Variants in NCOR2 observed in about 807,000 individuals in gnomAD.
The protein encoded by NCOR2 is nuclear receptor corepressor 2.
A neutral mutation model predicts 262.9 loss-of-function variants in NCOR2; 81 were observed. The observed-to-expected ratio is 0.31, with a 90% CI of 0.26 to 0.37. The LOEUF (loss-of-function observed/expected upper bound fraction) is 0.37, where lower values mean the gene tolerates loss of function less well. Ranked by LOEUF, NCOR2 falls within the 10% of genes least tolerant of loss-of-function variation. The probability of loss-of-function intolerance (pLI) is 1.00; values close to 1 mark genes in which losing one functional copy is unlikely to be tolerated. For synonymous variants in NCOR2, 1,659 were observed against 1,559.3 expected (o/e 1.06, Z -1.51); for missense variants, 3,385 against 3,621.4 (o/e 0.93, Z 1.68).
chr12:124,438,394 C>G (rs897584186), intron 7 of NCOR2, among the ~76,000 whole-genome samples: 1 of 152,106 alleles, frequency 6.6e-6, no homozygotes, highest in Admixed American at 6.5e-5. Context: ...TGCTGCCGCC[C>G]ACAGGCCGGG....
intron 13 of NCOR2, among the ~76,000 whole-genome samples, chr12:124,413,036 G>A (rs1244283881): frequency 6.6e-6 from 1 of 152,238 alleles, no homozygotes; most frequent in Non-Finnish European, 1.5e-5. Flanking sequence ...ACGGTCCAGT[G>A]TCCCTGGAGT....
In NCOR2 at chr12:124,383,421, G is replaced by A. The variant is rs563960749; in HGVS notation, c.2019+2324C>T. 16 of 474,272 alleles carry A rather than the reference G, an allele frequency of 3.4e-5. No homozygotes were observed. The South Asian group carries it at 1.1e-3, about 32-fold the overall frequency. The allele number at this position is 474,272 out of a possible 1,614,324, so 29.4% of individuals were successfully genotyped here. On this transcript the variant is annotated intron_variant, in intron 17 of 46. Coordinates refer to ENST00000405201, the Ensembl canonical transcript of NCOR2. ...GGCTGCATGTTCGTCCACGCCAGCGGCTTCACTGGTGGTCACCACACTCAA... is the reference window on the plus strand; with the variant it reads ...GGCTGCATGTTCGTCCACGCCAGCGACTTCACTGGTGGTCACCACACTCAA...
chr12:124,546,702 C>T (rs1267817808), intron 1 of NCOR2, among the ~76,000 whole-genome samples: 3 of 152,208 alleles, frequency 2.0e-5, no homozygotes, highest in East Asian at 3.9e-4. Flanking sequence ...CATGAGCCAC[C>T]GCGCCCAGCC....
intron 43 of NCOR2, 28 bp from the exon 46 acceptor site, chr12:124,330,926 G>A (rs1328931517): frequency 1.9e-6 from 3 of 1,567,854 alleles, no homozygotes; most frequent in Non-Finnish European, 2.6e-6. Context: ...AGTGGGTGAG[G>A]CCCCCAGGTC....
chr12:124,348,034 C>G (rs1170567082), intron 29 of NCOR2, 123 bp from the exon 32 acceptor site: 9 of 1,463,044 alleles, frequency 6.2e-6, no homozygotes, highest in African/African-American at 1.4e-5. Context: ...TAGGACCCAG[C>G]ACGGGAAGGT....
intron 22 of NCOR2, among the ~76,000 whole-genome samples, chr12:124,359,849 C>T (rs140894453): frequency 5.9e-5 from 9 of 152,376 alleles, no homozygotes; most frequent in African/African-American, 1.9e-4. Context: ...AATAGGCTGG[C>T]TTCCTGAGAG....
intron 17 of NCOR2, among the ~76,000 whole-genome samples, chr12:124,385,470 G>A (rs950433575): frequency 1.4e-4 from 21 of 152,296 alleles, no homozygotes; most frequent in Admixed American, 1.2e-3. Context: ...AGGGCCCCCA[G>A]AGGTGTCTGT....
chr12:124,424,670 G>A (rs1318389456), intron 11 of NCOR2, among the ~76,000 whole-genome samples: 2 of 152,200 alleles, frequency 1.3e-5, no homozygotes, highest in Non-Finnish European at 2.9e-5. Context: ...GGGACCCAGA[G>A]TCACCCCATC....
intron 7 of NCOR2, among the ~76,000 whole-genome samples, chr12:124,439,526 G>A (rs902834166): frequency 1.4e-4 from 21 of 150,196 alleles, no homozygotes; most frequent in Non-Finnish European, 2.5e-4. Flanking sequence ...GAGAGACGGA[G>A]ACAGAGACCC....
At chr12:124,335,397 ACCT>A in intron 39 of NCOR2, 83 bp downstream of exon 41, 1 of 1,521,998 alleles carries the variant, frequency 6.6e-7, no homozygotes, top group South Asian at 1.3e-5. Context: ...GCCTTTAGGC[ACCT>A]CTGTTTTCCT....
chr12:124,408,469 T>A (rs2136230328), intron 13 of NCOR2, among the ~76,000 whole-genome samples: 1 of 152,268 alleles, frequency 6.6e-6, no homozygotes, highest in African/African-American at 2.4e-5. Flanking sequence ...AATTATGGCC[T>A]GGCAAGGTAA....
At chr12:124,450,197 G>A (rs1361120618) in intron 6 of NCOR2, among the ~76,000 whole-genome samples, 3 of 152,250 alleles carry the variant, frequency 2.0e-5, no homozygotes, top group African/African-American at 4.8e-5. Context: ...CCAGAGATTG[G>A]CCCTGGCCAC....
chr12:124,353,468 G>A (rs1356220291), intron 27 of NCOR2, among the ~76,000 whole-genome samples: 6 of 152,228 alleles, frequency 3.9e-5, no homozygotes, highest in Non-Finnish European at 8.8e-5. Context: ...ACCTCCCTGT[G>A]GACCATCTTG....
At chr12:124,336,794 C>T in exon 38 of NCOR2, 1 of 1,613,444 alleles carries the variant, frequency 6.2e-7, no homozygotes, top group East Asian at 2.2e-5. Flanking sequence ...AAAGGGTTTA[C>T]TTTGAGTCTT....
chr12:124,374,416 G>A (rs1565887228), exon 19 of NCOR2: 2 of 1,612,854 alleles, frequency 1.2e-6, no homozygotes, highest in African/African-American at 1.3e-5. Flanking sequence ...TTCGTACCTG[G>A]GCCACTGCAT....
Position 124,356,691 on chromosome 12 carries a change from CT to C in NCOR2, c.3191del (p.Lys1064ArgfsTer59). 1 of 1,478,614 alleles carries C rather than the reference CT, an allele frequency of 6.8e-7. No homozygotes were observed. The highest frequency in any genetic ancestry group is 1.4e-5 in the South Asian group (1 of 69,836). 91.6% of individuals were successfully genotyped at this position (1,478,614 alleles called of 1,614,324 possible). On this transcript the variant is annotated frameshift_variant, in exon 23 of 47. Transcript: ENST00000405201. LOFTEE classifies it high-confidence loss of function. ...AGGGGTCCGGGGCATGCGGGGAGGC[CT>C]TGATCACCTCACGGGGGGGCACGGG...
chr12:124,371,899 A>C, intron 20 of NCOR2, 123 bp downstream of exon 22: 3 of 1,009,304 alleles, frequency 3.0e-6, no homozygotes, highest in Non-Finnish European at 4.2e-6. Flanking sequence ...CTGCCTCCCT[A>C]ACCACACCTC....
intron 1 of NCOR2, among the ~76,000 whole-genome samples, chr12:124,528,828 G>A (rs576839134): frequency 2.0e-5 from 3 of 152,148 alleles, no homozygotes; most frequent in African/African-American, 4.8e-5. Context: ...ATTTCTTATC[G>A]GAATGGAAGT....
In NCOR2 at chr12:124,493,150, C is replaced by G. The variant is rs142184659; in HGVS notation, c.105+1997G>C. 4.6e-5 allele frequency among the ~76,000 whole-genome samples: 7 copies of G among 152,346 alleles called. No homozygotes were observed. The East Asian group carries it at 1.4e-3, about 29-fold the overall frequency. On this transcript the variant is annotated intron_variant, in intron 1 of 46. Transcript: ENST00000405201. ...GAGAAGAATGGGAGGTGTCTAGGGT[C>G]AGCCAGTGACCCCGAGGGCCCAGTT... is the stretch of plus-strand genomic sequence containing the variant.
Sources: gnomAD v4.1 joint callset for allele counts (sites outside exome capture counted in the v4.1 genomes callset) on GRCh38, gnomAD v4.1.1 for gene constraint, MANE v1.5 for transcripts, NCBI Gene and HGNC (gene_info 2026-07-23, HGNC 2026-07-21) for gene names.